Variants in LRRC7 observed in about 807,000 individuals in gnomAD.
LRRC7 encodes leucine rich repeat containing 7.
Under a neutral mutation model 175.7 loss-of-function variants are expected in LRRC7, and 23 were observed. The observed-to-expected ratio is 0.13, with a 90% confidence interval of 0.09 to 0.19. The LOEUF (loss-of-function observed/expected upper bound fraction) is 0.19, where lower values mean the gene tolerates loss of function less well. LRRC7 is among the 10% of genes least tolerant of loss of function. The pLI, the probability that LRRC7 is intolerant of heterozygous loss-of-function variation, is 1.00. For synonymous variants in LRRC7, 685 were observed against 680.9 expected (o/e 1.01, Z -0.09); for missense variants, 1,354 against 1,904.7 (o/e 0.71, Z 5.38).
chr1:69,902,567 TCAAAA>T (rs964632342), intron 7 of LRRC7, among the ~76,000 whole-genome samples: 1 of 116,486 alleles, frequency 8.6e-6, no homozygotes, highest in Non-Finnish European at 1.8e-5. Flanking sequence ...AGACCCTGTT[TCAAAA>T]CAAAACAAAA....
chr1:69,656,236 T>G (rs1013794253), intron 1 of LRRC7, among the ~76,000 whole-genome samples: 1 of 152,052 alleles, frequency 6.6e-6, no homozygotes, highest in African/African-American at 2.4e-5. Flanking sequence ...TGTCAGCTTT[T>G]AAAATTTTAC....
intron 4 of LRRC7, among the ~76,000 whole-genome samples, chr1:69,792,764 T>C (rs1675272124): frequency 6.6e-6 from 1 of 152,098 alleles, no homozygotes; most frequent in South Asian, 2.1e-4. Flanking sequence ...TTTTGTTGTA[T>C]TTCTGGACAG....
In LRRC7 at chr1:69,878,291, AC is replaced by A. The variant is rs1287788833; in HGVS notation, c.647+40009del. Among the ~76,000 whole-genome samples the A allele has an allele frequency of 9.8e-3, 1,443 of 147,782 alleles. 29 individuals are homozygous for A. Among genetic ancestry groups the A allele is most frequent in the African/African-American group, 0.036 (1,379 of 37,860 alleles). The stretch of plus-strand genomic sequence containing the variant: ...CCTTATCTTAGAAAAAAAAAAAAAA[AC>A]AAGAATGCTCTTAAATAGTGACAGA... On this transcript the variant is annotated intron_variant, in intron 7 of 26. Coordinates refer to ENST00000651989, the MANE Select transcript of LRRC7 (RefSeq NM_001370785.2).
chr1:69,890,859 C>A (rs1343494604), intron 7 of LRRC7, among the ~76,000 whole-genome samples: 1 of 152,214 alleles, frequency 6.6e-6, no homozygotes, highest in Non-Finnish European at 1.5e-5. Context: ...CCTCTGCTAG[C>A]TTCAAACTTT....
intron 8 of LRRC7, among the ~76,000 whole-genome samples, chr1:69,963,300 C>T (rs1246714281): frequency 3.6e-5 from 5 of 138,018 alleles, no homozygotes; most frequent in East Asian, 4.0e-4. Context: ...AGCAAGACAC[C>T]GTCTCAAAAA....
At chr1:69,969,690 C>T (rs1396546099) in intron 8 of LRRC7, among the ~76,000 whole-genome samples, 3 of 151,974 alleles carry the variant, frequency 2.0e-5, no homozygotes, top group African/African-American at 7.3e-5. Flanking sequence ...TGGGGGACTT[C>T]GATATTCCAC....
At chr1:69,812,981 T>A (rs138423286) in intron 4 of LRRC7, among the ~76,000 whole-genome samples, 2 of 152,046 alleles carry the variant, frequency 1.3e-5, no homozygotes, top group Non-Finnish European at 2.9e-5. Context: ...TTAACTTAGG[T>A]ACTGTCAGGA....
chr1:69,731,171 G>A (rs1027666623), intron 2 of LRRC7, among the ~76,000 whole-genome samples: 2 of 151,918 alleles, frequency 1.3e-5, no homozygotes, highest in Non-Finnish European at 2.9e-5. Context: ...ATGTGGTGGC[G>A]GGCGTCTGTA....
At chr1:70,050,577 G>A (rs1471320802) in intron 22 of LRRC7, among the ~76,000 whole-genome samples, 4 of 151,906 alleles carry the variant, frequency 2.6e-5, no homozygotes, top group African/African-American at 9.7e-5. Context: ...AGAATGTGGT[G>A]CAAAAAAATA....
chr1:70,025,956 G>C (rs1174269703), intron 17 of LRRC7, among the ~76,000 whole-genome samples: 1 of 151,994 alleles, frequency 6.6e-6, no homozygotes, highest in Non-Finnish European at 1.5e-5. Flanking sequence ...TCTATTTCTA[G>C]ATTTAAATGT....
At chr1:70,034,807 A>G (rs1393098319) in intron 18 of LRRC7, among the ~76,000 whole-genome samples, 1 of 152,224 alleles carries the variant, frequency 6.6e-6, no homozygotes, top group Admixed American at 6.5e-5. Flanking sequence ...TCTATTTAAA[A>G]AATTAACAAG....
intron 11 of LRRC7, among the ~76,000 whole-genome samples, chr1:70,009,837 A>G (rs762632128): frequency 5.9e-5 from 9 of 152,258 alleles, no homozygotes; most frequent in Non-Finnish European, 1.2e-4. Flanking sequence ...GACCTTGGTC[A>G]GAGTCAGACT....
In LRRC7 at chr1:69,911,171, C is replaced by A. The variant is rs140920185; in HGVS notation, c.648-20336C>A. On this transcript the variant is annotated intron_variant, in intron 7 of 26. Transcript: ENST00000651989. ...TTCCCAAGTGAGGCAATGCCTTGCC[C>A]TGCTTCGGCTCGCGCACGGTGCACT... Among the ~76,000 whole-genome samples the A allele has an allele frequency of 3.3e-3, 496 of 151,936 alleles. 1 individual carries two copies. Among genetic ancestry groups the A allele is most frequent in the African/African-American group, 0.011 (448 of 41,184 alleles).
In LRRC7 at chr1:70,133,908, C is replaced by T. The variant is rs1435368580; in HGVS notation, c.*12021C>T. 1.3e-5 allele frequency among the ~76,000 whole-genome samples: 2 copies of T among 152,114 alleles called. No individual in the cohort carries two copies. The highest frequency in any genetic ancestry group is 4.8e-5 in the African/African-American group (2 of 41,436). ...GGGAATAGATTTGTCTCAAGTTACT[C>T]AAAATTTATTTTTAAAGTTAACTTT... On this transcript the variant is annotated 3_prime_UTR_variant, in exon 27 of 27. Transcript: ENST00000651989.
chr1:70,048,225 G>T (rs1660483977), intron 22 of LRRC7, among the ~76,000 whole-genome samples: 1 of 151,986 alleles, frequency 6.6e-6, no homozygotes, highest in Admixed American at 6.6e-5. Context: ...ATTTCCACTG[G>T]GAGAATAATA....
rs60491343 is a variant in LRRC7, at chr1:69,718,136, A to AAG, written c.100+39666_100+39667dup. 3.3e-3 allele frequency among the ~76,000 whole-genome samples: 266 copies of AAG among 79,596 alleles called. 18 individuals are homozygous for AAG. The highest frequency in any genetic ancestry group is 6.9e-3 in the East Asian group (18 of 2,602). The allele number at this position is 79,596 out of a possible 152,430, so 52.2% of individuals were successfully genotyped here. ...AAGAAAGAAAGAAAGAAAAGAAAGA[A>AAG]AGAGAGAGAAAGAAAGAAAGAAAGA... is the stretch of plus-strand genomic sequence containing the variant. On this transcript the variant is annotated intron_variant, in intron 2 of 26. Transcript: ENST00000651989.
At chr1:69,569,503 A>C (rs923365615) in intron 1 of LRRC7, among the ~76,000 whole-genome samples, 1 of 151,742 alleles carries the variant, frequency 6.6e-6, no homozygotes, top group Non-Finnish European at 1.5e-5. Flanking sequence ...ATTAGCATTA[A>C]GGTAATCATG....
intron 11 of LRRC7, among the ~76,000 whole-genome samples, chr1:70,003,469 G>T (rs1036364645): frequency 6.6e-5 from 10 of 152,122 alleles, no homozygotes; most frequent in African/African-American, 2.4e-4. Flanking sequence ...TGGTTTTCAA[G>T]TCAAAGAACT....
At chr1:69,758,201 A>G (rs1670643733) in intron 2 of LRRC7, among the ~76,000 whole-genome samples, 1 of 152,058 alleles carries the variant, frequency 6.6e-6, no homozygotes, top group African/African-American at 2.4e-5. Flanking sequence ...CAAGAATTTC[A>G]AGTAAGGTTA....
Sources: allele counts gnomAD v4.1 joint callset (sites outside exome capture counted in the v4.1 genomes callset), GRCh38; gene constraint gnomAD v4.1.1; transcripts MANE v1.5; gene names NCBI Gene and HGNC (gene_info 2026-07-23, HGNC 2026-07-21).